The following FSTL5 variants were observed in gnomAD, a reference collection of about 807,000 sequenced individuals.
The protein encoded by FSTL5 is follistatin-related protein 5.
Under a neutral mutation model 89.1 loss-of-function variants are expected in FSTL5, and 62 were observed. The ratio of observed to expected loss-of-function variants is 0.70; its 90% CI spans 0.57 to 0.86. The LOEUF is 0.86. FSTL5 is among the 40% of genes least tolerant of loss of function. The pLI is 0.00. For synonymous variants in FSTL5, 383 were observed against 346.2 expected (o/e 1.11, Z -1.18); for missense variants, 1,057 against 1,001.6 (o/e 1.06, Z -0.75).
intron 7 of FSTL5, among the ~76,000 whole-genome samples, chr4:161,643,824 G>A (rs182118010): frequency 2.0e-5 from 3 of 152,164 alleles, no homozygotes; most frequent in African/African-American, 7.2e-5. Flanking sequence ...TGTGGCTACT[G>A]TAAGAAAATA....
intron 15 of FSTL5, among the ~76,000 whole-genome samples, chr4:161,408,911 G>C (rs1483840447): frequency 6.6e-6 from 1 of 152,158 alleles, no homozygotes; most frequent in Non-Finnish European, 1.5e-5. Context: ...GAGAAATATG[G>C]GATTATGTGA....
intron 1 of FSTL5, among the ~76,000 whole-genome samples, chr4:162,121,980 G>C (rs1011042845): frequency 2.3e-4 from 35 of 151,950 alleles, no homozygotes; most frequent in Non-Finnish European, 4.3e-4. Flanking sequence ...TTTATTGTAA[G>C]AATATAACAT....
chr4:162,059,669 T>C (rs1187101027), intron 2 of FSTL5, among the ~76,000 whole-genome samples: 1 of 151,898 alleles, frequency 6.6e-6, no homozygotes, highest in Non-Finnish European at 1.5e-5. Context: ...AAAGGCACAG[T>C]GGAATAGAAA....
At chr4:161,641,401 T>G (rs1735952071) in intron 7 of FSTL5, among the ~76,000 whole-genome samples, 1 of 150,104 alleles carries the variant, frequency 6.7e-6, no homozygotes, top group Admixed American at 6.7e-5. Flanking sequence ...AGATGTAATT[T>G]TATGACATCA....
At chr4:161,711,156 G>A (rs1738763137) in intron 6 of FSTL5, among the ~76,000 whole-genome samples, 1 of 151,908 alleles carries the variant, frequency 6.6e-6, no homozygotes, top group Non-Finnish European at 1.5e-5. Flanking sequence ...AAGGGGACAG[G>A]TACGAGGAAA....
At chr4:161,396,552 G>A (rs1237779076) in intron 15 of FSTL5, among the ~76,000 whole-genome samples, 4 of 150,704 alleles carry the variant, frequency 2.7e-5, no homozygotes, top group African/African-American at 9.8e-5. Flanking sequence ...TACTCAGGAA[G>A]CAGAGGCAGG....
chr4:161,635,277 T>C (rs942657845), intron 7 of FSTL5, among the ~76,000 whole-genome samples: 2 of 152,064 alleles, frequency 1.3e-5, no homozygotes, highest in Non-Finnish European at 2.9e-5. Flanking sequence ...TAATCCCAGT[T>C]ACTCAGAAGG....
At chr4:161,468,244 AT>A (rs35455811) in intron 13 of FSTL5, among the ~76,000 whole-genome samples, 76,203 of 143,074 alleles carry the variant, frequency 0.53, 19,838 homozygotes, top group East Asian at 0.8. Context: ...AAGTGCCTAC[AT>A]TTTTTTTTTT....
chr4:162,038,783 A>G (rs1408617650), intron 2 of FSTL5, among the ~76,000 whole-genome samples: 1 of 151,828 alleles, frequency 6.6e-6, no homozygotes, highest in Non-Finnish European at 1.5e-5. Context: ...TAATTTACCT[A>G]TTTCCTTCCT....
intron 15 of FSTL5, among the ~76,000 whole-genome samples, chr4:161,406,501 G>A (rs982147394): frequency 6.6e-6 from 1 of 152,102 alleles, no homozygotes; most frequent in Non-Finnish European, 1.5e-5. Flanking sequence ...TTTGGGGGAT[G>A]AAATTTTCTA....
chr4:161,679,504 C>T lies in FSTL5; in HGVS notation c.728-23010G>A, dbSNP rs185133049. 7.2e-5 allele frequency among the ~76,000 whole-genome samples: 11 copies of T among 151,862 alleles called. No individual in the cohort carries two copies. In the East Asian group the frequency reaches 9.6e-4, roughly 13 times the overall value. On this transcript the variant is annotated intron_variant, in intron 6 of 15. Coordinates refer to ENST00000306100, the MANE Select transcript of FSTL5 (RefSeq NM_020116.5). ...TAAATTCCACACTTGCCACTCCAGCCGCATGAACATGTGCTAGTTATTCCT... is the reference window on the plus strand; with the variant it reads ...TAAATTCCACACTTGCCACTCCAGCTGCATGAACATGTGCTAGTTATTCCT...
chr4:162,101,328 T>C (rs1389610752), intron 2 of FSTL5, among the ~76,000 whole-genome samples: 2 of 152,218 alleles, frequency 1.3e-5, no homozygotes, highest in Non-Finnish European at 2.9e-5. Context: ...AAGAACTTGA[T>C]TTGAACTGTT....
chr4:161,954,890 G>C (rs1330194254), intron 3 of FSTL5, among the ~76,000 whole-genome samples: 1 of 151,500 alleles, frequency 6.6e-6, no homozygotes, highest in African/African-American at 2.4e-5. Flanking sequence ...TGGAATTTAA[G>C]ACCAGATACT....
intron 4 of FSTL5, among the ~76,000 whole-genome samples, chr4:161,796,244 G>A (rs543610010): frequency 1.4e-4 from 21 of 151,814 alleles, no homozygotes; most frequent in Admixed American, 6.6e-4. Context: ...TAACTTAGTC[G>A]AAAGTTTCCC....
chr4:161,887,422 TCTATCATCTATCTAC>T (rs1303419977), intron 4 of FSTL5, among the ~76,000 whole-genome samples: 2 of 26,632 alleles, frequency 7.5e-5, no homozygotes, highest in South Asian at 1.3e-3. Flanking sequence ...TATCTATCTA[TCTATCATCTATCTAC>T]CTATCATCTA....
chr4:161,631,044 G>A (rs558474023), intron 7 of FSTL5, among the ~76,000 whole-genome samples: 1 of 152,126 alleles, frequency 6.6e-6, no homozygotes, highest in Non-Finnish European at 1.5e-5. Context: ...TATATGCCAT[G>A]TTAATTGATT....
intron 1 of FSTL5, among the ~76,000 whole-genome samples, chr4:162,152,928 C>A (rs1025569314): frequency 6.6e-6 from 1 of 150,522 alleles, no homozygotes; most frequent in Non-Finnish European, 1.5e-5. Context: ...AAAATGAAAG[C>A]TAATTTTCAT....
At chr4:161,572,318 TAAAAAAAAAAAAA>T (rs755306574) in intron 8 of FSTL5, among the ~76,000 whole-genome samples, 2 of 64,060 alleles carry the variant, frequency 3.1e-5, no homozygotes, top group African/African-American at 6.5e-5. Context: ...AGACTCCGTC[TAAAAAAAAAAAAA>T]AAAAAAAAAA....
intron 15 of FSTL5, among the ~76,000 whole-genome samples, chr4:161,446,594 A>T (rs1732955871): frequency 6.6e-6 from 1 of 152,060 alleles, no homozygotes; most frequent in Non-Finnish European, 1.5e-5. Context: ...CTCAATGTAC[A>T]TTATCTTTTT....
Sources: gnomAD v4.1 joint callset for allele counts (sites outside exome capture counted in the v4.1 genomes callset) on GRCh38, gnomAD v4.1.1 for gene constraint, MANE v1.5 for transcripts, NCBI Gene and HGNC (gene_info 2026-07-23, HGNC 2026-07-21) for gene names.